CDC73: variants seen among roughly 807,000 people sequenced by gnomAD.
CDC73 encodes cell division cycle 73, also known as parafibromin.
A neutral mutation model predicts 83.7 loss-of-function variants in CDC73; 21 were observed. The ratio of observed to expected loss-of-function variants is 0.25; its 90% CI spans 0.18 to 0.36. CDC73 has a LOEUF of 0.36. Ranked by LOEUF, CDC73 falls within the 10% of genes least tolerant of loss-of-function variation. CDC73 has a pLI of 1.00. For missense variants in CDC73, 342 were observed against 653.3 expected (o/e 0.52, Z 5.19); for synonymous variants, 224 against 212.9 (o/e 1.05, Z -0.45).
chr1:193,217,887 A>G (rs1677398121), intron 13 of CDC73, among the ~76,000 whole-genome samples: 1 of 152,126 alleles, frequency 6.6e-6, no homozygotes, highest in Admixed American at 6.5e-5. Context: ...GTACTCCTGT[A>G]TCAGTACTGG....
At chr1:193,171,011 G>A (rs1676509553) in intron 10 of CDC73, among the ~76,000 whole-genome samples, 1 of 152,192 alleles carries the variant, frequency 6.6e-6, no homozygotes, top group African/African-American at 2.4e-5. Context: ...CCCCTCCAGA[G>A]AAAAGCCCTG....
intron 10 of CDC73, among the ~76,000 whole-genome samples, chr1:193,164,647 T>C (rs1676403610): frequency 6.6e-6 from 1 of 151,874 alleles, no homozygotes; most frequent in African/African-American, 2.4e-5. Context: ...AACTCTTCAT[T>C]AAAAAAAAGG....
chr1:193,161,562 C>CAT (rs1053631002), intron 10 of CDC73, among the ~76,000 whole-genome samples: 3 of 122,096 alleles, frequency 2.5e-5, no homozygotes, highest in South Asian at 2.4e-4. Flanking sequence ...TATACACACG[C>CAT]ATATATATAT....
At chr1:193,151,919 T>A (rs535519594) in intron 9 of CDC73, among the ~76,000 whole-genome samples, 6 of 152,086 alleles carry the variant, frequency 3.9e-5, no homozygotes, top group African/African-American at 1.4e-4. Flanking sequence ...GGTGACAGAG[T>A]GAGACCCTGT....
At chr1:193,245,544 A>G (rs1337608363) in intron 15 of CDC73, among the ~76,000 whole-genome samples, 1 of 152,120 alleles carries the variant, frequency 6.6e-6, no homozygotes, top group African/African-American at 2.4e-5. Context: ...CCTTAGGTTG[A>G]TTACATATCT....
At chr1:193,225,747 T>C (rs186553631) in intron 13 of CDC73, among the ~76,000 whole-genome samples, 31 of 152,266 alleles carry the variant, frequency 2.0e-4, no homozygotes, top group African/African-American at 7.2e-4. Flanking sequence ...CACTTTTTCA[T>C]GGGATTGTTT....
At chr1:193,223,578 C>T (rs527889218) in intron 13 of CDC73, among the ~76,000 whole-genome samples, 1 of 152,072 alleles carries the variant, frequency 6.6e-6, no homozygotes, top group South Asian at 2.1e-4. Context: ...TTCTAGTTTA[C>T]CATTATGTTG....
At chr1:193,205,521 T>G (rs1312113224) in intron 11 of CDC73, among the ~76,000 whole-genome samples, 1 of 152,142 alleles carries the variant, frequency 6.6e-6, no homozygotes, top group African/African-American at 2.4e-5. Context: ...TATTTCCTTT[T>G]TTTGTTTTTG....
intron 6 of CDC73, 76 bp downstream of exon 6, chr1:193,138,249 C>A: frequency 1.0e-6 from 1 of 975,608 alleles, no homozygotes; most frequent in Non-Finnish European, 1.7e-6. Flanking sequence ...TATTAAAATG[C>A]TCTCCACATT....
At chr1:193,234,238 T>C (rs544378226) in intron 14 of CDC73, among the ~76,000 whole-genome samples, 2 of 99,434 alleles carry the variant, frequency 2.0e-5, no homozygotes, top group African/African-American at 9.8e-5. Flanking sequence ...TATTTAAAAT[T>C]TATATATTTA....
At position 193,132,261 on chromosome 1, in the gene CDC73, T is replaced by C. The variant is rs550740744; in HGVS notation, c.307+2018T>C. Among the ~76,000 whole-genome samples the C allele has an allele frequency of 6.6e-5, 10 of 152,360 alleles. No individual in the cohort carries two copies. In the South Asian group the frequency reaches 2.1e-3, roughly 32 times the overall value. ...AAAGATCATCATTAGGAATGCTTTC[T>C]TCCTATGCTGTCCTCATTCAATAAG... On this transcript the variant is annotated intron_variant, in intron 3 of 16. Transcript: ENST00000367435.
intron 10 of CDC73, chr1:193,179,192 A>G (rs74130930): frequency 6.6e-6 from 1 of 152,148 alleles, no homozygotes; most frequent in Non-Finnish European, 1.5e-5. Flanking sequence ...AATATTTGTC[A>G]TCTACCAAAT....
intron 13 of CDC73, among the ~76,000 whole-genome samples, chr1:193,229,552 A>G (rs1004460864): frequency 1.3e-5 from 2 of 152,158 alleles, no homozygotes; most frequent in Non-Finnish European, 2.9e-5. Flanking sequence ...ACTTGCCAAT[A>G]TCTTGGTCTT....
At chr1:193,205,166 A>G (rs1677164372) in intron 11 of CDC73, among the ~76,000 whole-genome samples, 1 of 139,220 alleles carries the variant, frequency 7.2e-6, no homozygotes, top group Non-Finnish European at 1.5e-5. Flanking sequence ...TTTATTTAGC[A>G]TAATTTCAGT....
chr1:193,180,644 G>A (rs1676698482), intron 10 of CDC73: 1 of 1,614,026 alleles, frequency 6.2e-7, no homozygotes, highest in Non-Finnish European at 8.5e-7. Context: ...ACAGGATAAC[G>A]CTCACTTGGG....
rs2102073249 is a variant in CDC73 at position 193,249,736 on chromosome 1, C to T, written c.1424C>T (p.Ala475Val). 6.2e-7 allele frequency: 1 copy of T among 1,607,460 alleles called. No individual in the cohort carries two copies. The highest frequency in any genetic ancestry group is 1.7e-5 in the Admixed American group (1 of 59,864). ...SPVDIFAKIK[A>V]FHLKYDEVRL... ...CTCTCCACCCTCTCTATAGTTAAAGCCTTCCATCTGAAGTATGATGAAGTT... is the reference window on the plus strand; with the variant it reads ...CTCTCCACCCTCTCTATAGTTAAAGTCTTCCATCTGAAGTATGATGAAGTT... The change falls in exon 16 of 17, where the codon GCC becomes GTC. Residue 475 changes from alanine to valine, a missense_variant. Around this residue, in one of 3 missense-constraint regions of CDC73, gnomAD observed 239 missense variants for 420.6 expected, o/e 0.57. Transcript: ENST00000367435.
chr1:193,141,642 T>A (rs1231343209), intron 6 of CDC73, among the ~76,000 whole-genome samples: 1 of 152,254 alleles, frequency 6.6e-6, no homozygotes, highest in East Asian at 1.9e-4. Context: ...AAGAAATTAC[T>A]AATTTGCTCT....
At chr1:193,212,710 C>T (rs1217077698) in intron 13 of CDC73, among the ~76,000 whole-genome samples, 1 of 152,122 alleles carries the variant, frequency 6.6e-6, no homozygotes, top group African/African-American at 2.4e-5. Context: ...AAAAAAGGTA[C>T]TATCGTATTA....
chr1:193,244,653 T>C (rs1363387056), intron 15 of CDC73, among the ~76,000 whole-genome samples: 1 of 152,244 alleles, frequency 6.6e-6, no homozygotes, highest in African/African-American at 2.4e-5. Flanking sequence ...TGCTTCCATC[T>C]TGGAATCTTT....
Sources: allele counts gnomAD v4.1 joint callset (sites outside exome capture counted in the v4.1 genomes callset), GRCh38; gene constraint gnomAD v4.1.1; regional missense constraint gnomAD v4.1.1; transcripts MANE v1.5; gene names NCBI Gene and HGNC (gene_info 2026-07-23, HGNC 2026-07-21).